Variants in CAB39L observed in about 807,000 individuals in gnomAD.
CAB39L encodes the protein calcium-binding protein 39-like.
Under a neutral mutation model 39.1 loss-of-function variants are expected in CAB39L, and 23 were observed. The observed-to-expected ratio is 0.59, with a 90% CI of 0.42 to 0.83. The LOEUF is 0.83. CAB39L is among the 40% of genes least tolerant of loss of function. The probability of loss-of-function intolerance (pLI) is 0.00; values close to 1 mark genes in which losing one functional copy is unlikely to be tolerated. For missense variants in CAB39L, 366 were observed against 391.9 expected, an observed-to-expected ratio of 0.93 and a Z score of 0.56; for synonymous variants, 126 against 137.2, an observed-to-expected ratio of 0.92 and a Z score of 0.57.
intron 3 of CAB39L, among the ~76,000 whole-genome samples, chr13:49,431,167 C>T (rs1416189416): frequency 6.6e-6 from 1 of 152,166 alleles, no homozygotes; most frequent in Non-Finnish European, 1.5e-5. Flanking sequence ...CCTCCCTTTC[C>T]TTGTTGTCTC....
At chr13:49,376,225 C>G (rs150334717) in intron 5 of CAB39L, among the ~76,000 whole-genome samples, 2 of 152,174 alleles carry the variant, frequency 1.3e-5, no homozygotes, top group Non-Finnish European at 2.9e-5. Flanking sequence ...CTACCTGATA[C>G]GAACAAAATT....
At chr13:49,380,010 T>A (rs899453856) in intron 4 of CAB39L, among the ~76,000 whole-genome samples, 4 of 151,924 alleles carry the variant, frequency 2.6e-5, no homozygotes, top group African/African-American at 4.8e-5. Flanking sequence ...CCCGGCTAAT[T>A]TTTATACTTT....
intron 10 of CAB39L, among the ~76,000 whole-genome samples, chr13:49,317,309 C>T (rs933633439): frequency 3.3e-5 from 5 of 152,236 alleles, no homozygotes; most frequent in Admixed American, 2.0e-4. Flanking sequence ...GTGGGCGAAT[C>T]GCTTGAGCCC....
At chr13:49,397,167 T>A (rs745393722) in intron 3 of CAB39L, among the ~76,000 whole-genome samples, 1 of 152,174 alleles carries the variant, frequency 6.6e-6, no homozygotes. Flanking sequence ...AAAATATGCA[T>A]CCTAAATGTA....
chr13:49,352,386 A>G (rs1955381033), intron 6 of CAB39L, among the ~76,000 whole-genome samples: 1 of 152,070 alleles, frequency 6.6e-6, no homozygotes, highest in South Asian at 2.1e-4. Flanking sequence ...TGTGGTAAAT[A>G]TAGGAAGAAT....
rs1272821902 is a variant in CAB39L, at chr13:49,441,214, A to G, written c.-246+2772T>C. 1.8e-5 allele frequency among the ~76,000 whole-genome samples: 2 copies of G among 113,012 alleles called. 1 individual carries two copies. Among genetic ancestry groups the G allele is most frequent in the Admixed American group, 1.6e-4 (2 of 12,202 alleles). The allele number at this position is 113,012 out of a possible 152,430, so 74.1% of individuals were successfully genotyped here. On this transcript the variant is annotated intron_variant, in intron 1 of 10. Transcript: ENST00000409308. ...TTATTTTGATGATTTTCTTATAATG[A>G]TTTAGTGTATATATATATATATATA... is the stretch of plus-strand genomic sequence containing the variant.
chr13:49,370,890 C>G (rs1955898936), intron 5 of CAB39L, among the ~76,000 whole-genome samples: 1 of 152,028 alleles, frequency 6.6e-6, no homozygotes, highest in Admixed American at 6.6e-5. Flanking sequence ...AGCTTTAGGG[C>G]AATAGGGTAA....
intron 6 of CAB39L, among the ~76,000 whole-genome samples, chr13:49,352,564 G>A (rs1295099591): frequency 2.6e-5 from 4 of 151,780 alleles, no homozygotes; most frequent in Non-Finnish European, 5.9e-5. Context: ...GACCAGCCTG[G>A]GCAACATGGC....
In CAB39L at chr13:49,319,863, A is replaced by T. The variant is rs1208575049; in HGVS notation, c.835-8870T>A. On this transcript the variant is annotated intron_variant, in intron 10 of 10. Transcript: ENST00000409308. ...AAAAAAAAAAGATTAACTATAATAG[A>T]CAAACTGATGTTGCAAACCAAAATA... 2.6e-5 allele frequency among the ~76,000 whole-genome samples: 4 copies of T among 152,068 alleles called. No individual in the cohort carries two copies. The South Asian group carries it at 8.3e-4, about 32-fold the overall frequency.
intron 3 of CAB39L, among the ~76,000 whole-genome samples, chr13:49,416,662 G>A (rs1402755934): frequency 6.6e-6 from 1 of 152,154 alleles, no homozygotes; most frequent in African/African-American, 2.4e-5. Flanking sequence ...AAGGTGCCTG[G>A]ACAAATTACT....
chr13:49,398,812 A>C (rs1292224568), intron 3 of CAB39L, among the ~76,000 whole-genome samples: 5 of 152,116 alleles, frequency 3.3e-5, no homozygotes, highest in African/African-American at 1.2e-4. Flanking sequence ...TATGGGTCCT[A>C]GTAAACATTT....
rs1157399054 is a variant in CAB39L, at chr13:49,377,863, G to C, written c.112-732C>G. Among the ~76,000 whole-genome samples, 2 of 89,924 alleles carry C rather than the reference G, an allele frequency of 2.2e-5. 1 individual carries two copies. Among genetic ancestry groups the C allele is most frequent in the Non-Finnish European group, 4.5e-5 (2 of 44,526 alleles). The allele number at this position is 89,924 out of a possible 152,430, so 59.0% of individuals were successfully genotyped here. ...TCTGCCTGGCTGCCCAGTCTGGAAAGTGAGGAGCGTCTCCGCCCGGCCGCC... is the reference window on the plus strand; with the variant it reads ...TCTGCCTGGCTGCCCAGTCTGGAAACTGAGGAGCGTCTCCGCCCGGCCGCC... On this transcript the variant is annotated intron_variant, in intron 4 of 10. Coordinates refer to ENST00000409308, the MANE Select transcript of CAB39L (RefSeq NM_001079670.3).
At chr13:49,345,567 T>C (rs1955124767) in intron 7 of CAB39L, among the ~76,000 whole-genome samples, 1 of 152,152 alleles carries the variant, frequency 6.6e-6, no homozygotes, top group South Asian at 2.1e-4. Flanking sequence ...CAGGGGACCC[T>C]TGAAAGAGTA....
chr13:49,354,341 T>C (rs948481383), intron 6 of CAB39L, among the ~76,000 whole-genome samples: 4 of 152,236 alleles, frequency 2.6e-5, no homozygotes, highest in African/African-American at 7.2e-5. Flanking sequence ...TCCTCAGTAC[T>C]CTTTAAGTGA....
chr13:49,389,696 C>T (rs1008436038), intron 3 of CAB39L, among the ~76,000 whole-genome samples: 1 of 152,152 alleles, frequency 6.6e-6, no homozygotes, highest in Non-Finnish European at 1.5e-5. Context: ...GAGAAAATGG[C>T]TATATCTTCA....
intron 5 of CAB39L, among the ~76,000 whole-genome samples, chr13:49,364,768 TA>T (rs1955728562): frequency 6.6e-6 from 1 of 151,554 alleles, no homozygotes. Context: ...ATGAAAACTA[TA>T]AAAAAATGGA....
Position 49,377,078 on chromosome 13 carries a change from A to T in CAB39L, c.165T>A (p.Gly55=). The T allele has an allele frequency of 6.2e-7, 1 of 1,613,590 alleles. No homozygotes were observed. The highest frequency in any genetic ancestry group is 8.5e-7 in the Non-Finnish European group (1 of 1,179,570). Residue 55 remains glycine (G), a synonymous_variant, in exon 5 of 11, where the codon GGT becomes GGA. Coordinates refer to ENST00000409308, the MANE Select transcript of CAB39L (RefSeq NM_001079670.3). The part of the protein sequence containing the change: ...SLQAMKEILC[G]TNEKEPPTEA... ...CTGTTGGGGGTTCTTTCTCGTTTGT[A>T]CCACACAGAATTTCTTTCATTGCTT... is the stretch of plus-strand genomic sequence containing the variant.
At chr13:49,387,403 G>C (rs1246884957) in intron 3 of CAB39L, among the ~76,000 whole-genome samples, 2 of 152,140 alleles carry the variant, frequency 1.3e-5, no homozygotes, top group East Asian at 3.9e-4. Context: ...AGTGGGGACA[G>C]GAAAAGACGC....
At chr13:49,351,096 T>C (rs926881390) in intron 6 of CAB39L, 184 bp from the exon 7 acceptor site, 2 of 419,094 alleles carry the variant, frequency 4.8e-6, no homozygotes, top group Admixed American at 4.3e-5. Context: ...ATTCTGGAAT[T>C]TGAGTGTATT....
Sources: gnomAD v4.1 joint callset for allele counts (sites outside exome capture counted in the v4.1 genomes callset) on GRCh38, gnomAD v4.1.1 for gene constraint, MANE v1.5 for transcripts, NCBI Gene and HGNC (gene_info 2026-07-23, HGNC 2026-07-21) for gene names.